Variants in ACACA observed in about 807,000 individuals in gnomAD.
ACACA encodes the protein acetyl-CoA carboxylase 1.
ACACA carries 103 observed loss-of-function variants against 296.1 expected under a neutral mutation model. That is an observed-to-expected ratio of 0.35 (90% CI 0.30 to 0.41). ACACA has a LOEUF of 0.41. Among genes scored for constraint, ACACA ranks in the 10% least tolerant of loss-of-function variants. The probability of loss-of-function intolerance (pLI) is 1.00; values close to 1 mark genes in which losing one functional copy is unlikely to be tolerated. For synonymous variants in ACACA, 953 were observed against 1,038.6 expected, an observed-to-expected ratio of 0.92 and a Z score of 1.58; for missense variants, 1,554 against 2,989.7, an observed-to-expected ratio of 0.52 and a Z score of 11.20.
At chr17:37,173,331 T>G (rs540399842) in intron 41 of ACACA, among the ~76,000 whole-genome samples, 1 of 152,272 alleles carries the variant, frequency 6.6e-6, no homozygotes, top group African/African-American at 2.4e-5. Context: ...AGGGTTATGG[T>G]GGTTTTTCTA....
At chr17:37,279,478 C>CA in intron 5 of ACACA, among the ~76,000 whole-genome samples, 1 of 151,948 alleles carries the variant, frequency 6.6e-6, no homozygotes, top group African/African-American at 2.4e-5. Flanking sequence ...ACTAAAAATA[C>CA]AAAAAATTAG....
chr17:37,192,156 G>A lies in ACACA; in HGVS notation c.4350C>T (p.Gly1450=). The change falls in exon 37 of 56, where the codon GGC becomes GGT. Residue 1450 remains glycine (G), a synonymous_variant. Transcript: ENST00000616317. ...LYLGAAKVEV[G]TEVTDYRFFV... is the part of the protein sequence containing the mutation. ...AGAACCTGTAGTCTGTCACTTCTGT[G>A]CCCACTTCCACCTTGGCTGCCCCGA... 2 of 1,613,968 alleles carry A rather than the reference G, an allele frequency of 1.2e-6. No homozygotes were observed. The highest frequency in any genetic ancestry group is 8.5e-7 in the Non-Finnish European group (1 of 1,179,970).
intron 5 of ACACA, among the ~76,000 whole-genome samples, chr17:37,280,536 C>G (rs1192703704): frequency 6.6e-6 from 1 of 152,036 alleles, no homozygotes; most frequent in Non-Finnish European, 1.5e-5. Flanking sequence ...AAGGTATAAT[C>G]TCTTAATCTT....
intron 30 of ACACA, among the ~76,000 whole-genome samples, chr17:37,210,038 G>T (rs1448852074): frequency 1.3e-5 from 2 of 152,160 alleles, no homozygotes; most frequent in Non-Finnish European, 2.9e-5. Flanking sequence ...TTCTGGATCT[G>T]CACTCCTCTA....
intron 3 of ACACA, among the ~76,000 whole-genome samples, chr17:37,329,717 G>A (rs2047781987): frequency 2.0e-5 from 3 of 149,268 alleles, no homozygotes; most frequent in South Asian, 4.3e-4. Context: ...TGAGGTGGGC[G>A]GATCACAAGG....
At chr17:37,121,597 G>C (rs2074529837) in intron 49 of ACACA, 107 bp from the exon 50 acceptor site, 4 of 1,400,652 alleles carry the variant, frequency 2.9e-6, no homozygotes, top group Admixed American at 1.7e-5. Context: ...CTAAAAATCA[G>C]ATCAACAAAA....
In ACACA at chr17:37,260,272, ATATATATATATATATATATATATATT is replaced by A. The variant is rs1209076773; in HGVS notation, c.1330-768_1330-743del. ...GTCATATATATATATATATATATAT[ATATATATATATATATATATATATATT>A]TTTTTTTTTTTTTTTTTTGGAGATG... is the stretch of plus-strand genomic sequence containing the variant. On this transcript the variant is annotated intron_variant, in intron 11 of 55. Coordinates refer to ENST00000616317, the MANE Select transcript of ACACA (RefSeq NM_198834.3). Among the ~76,000 whole-genome samples the A allele has an allele frequency of 1.9e-3, 49 of 25,132 alleles. 1 individual carries two copies. The highest frequency in any genetic ancestry group is 0.012 in the East Asian group (5 of 420). 16.5% of individuals were successfully genotyped at this position (25,132 alleles called of 152,430 possible). A position where few individuals can be genotyped will look rare whatever the true frequency, so the allele number is the denominator to read the frequency against.
At position 37,385,951 on chromosome 17, in the gene ACACA, A is replaced by T. The variant is rs2050507064; in HGVS notation, c.38+20311T>A. 4 of 1,217,126 alleles carry T rather than the reference A, an allele frequency of 3.3e-6. No homozygotes were observed. The East Asian group carries it at 7.7e-5, about 23-fold the overall frequency. The allele number at this position is 1,217,126 out of a possible 1,614,324, so 75.4% of individuals were successfully genotyped here. A position where few individuals can be genotyped will look rare whatever the true frequency, so the allele number is the denominator to read the frequency against. On this transcript the variant is annotated intron_variant, in intron 1 of 55. Transcript: ENST00000616317. ...GCTGGGCAGGGTTTCATCAGATAAAACCAAAGGCAGGATAAAGTTTTCCCC... is the reference window on the plus strand; with the variant it reads ...GCTGGGCAGGGTTTCATCAGATAAATCCAAAGGCAGGATAAAGTTTTCCCC...
At chr17:37,352,542 A>G (rs915553334) in intron 1 of ACACA, among the ~76,000 whole-genome samples, 5 of 151,366 alleles carry the variant, frequency 3.3e-5, no homozygotes, top group Admixed American at 1.3e-4. Flanking sequence ...ACGCAACCCC[A>G]TCTCTACCAA....
intron 29 of ACACA, among the ~76,000 whole-genome samples, chr17:37,220,930 G>A (rs928136747): frequency 3.3e-5 from 5 of 152,190 alleles, no homozygotes; most frequent in Non-Finnish European, 7.3e-5. Context: ...GAAATGGAGA[G>A]GGGCAGGTTA....
intron 41 of ACACA, among the ~76,000 whole-genome samples, chr17:37,175,819 C>T (rs2077091235): frequency 6.6e-6 from 1 of 152,192 alleles, no homozygotes; most frequent in Admixed American, 6.5e-5. Context: ...CTATACCTTT[C>T]ATCATGCATT....
At chr17:37,341,188 C>T (rs2048358535) in intron 1 of ACACA, among the ~76,000 whole-genome samples, 1 of 151,968 alleles carries the variant, frequency 6.6e-6, no homozygotes, top group Non-Finnish European at 1.5e-5. Flanking sequence ...ATGCAATAGG[C>T]CAGTGTTTTT....
chr17:37,135,912 C>CTT (rs746761290), intron 45 of ACACA, among the ~76,000 whole-genome samples: 21 of 137,730 alleles, frequency 1.5e-4, no homozygotes, highest in African/African-American at 2.9e-4. Context: ...AACAGGAATT[C>CTT]TTTTTTTTTT....
chr17:37,133,347 A>C (rs183568000), intron 45 of ACACA, among the ~76,000 whole-genome samples: 2 of 152,350 alleles, frequency 1.3e-5, no homozygotes, highest in Non-Finnish European at 2.9e-5. Flanking sequence ...GGGCGCACAC[A>C]ATAGCTCCTG....
At chr17:37,199,753 A>G (rs534627867) in intron 35 of ACACA, among the ~76,000 whole-genome samples, 6 of 152,014 alleles carry the variant, frequency 3.9e-5, no homozygotes, top group African/African-American at 1.4e-4. Context: ...TTTCTACCTT[A>G]TTTATCTGGA....
Position 37,246,523 on chromosome 17 carries a change from C to G in ACACA, c.2460+303G>C, listed in dbSNP as rs572995433. Among the ~76,000 whole-genome samples, 7 of 152,192 alleles carry G rather than the reference C, an allele frequency of 4.6e-5. No homozygotes were observed. The South Asian group carries it at 1.5e-3, about 32-fold the overall frequency. ...TCTCCATTCACTGCTGCCTTGAATT[C>G]CTGGGCTCAAGGGATCCTCCCGCCT... On this transcript the variant is annotated intron_variant, in intron 19 of 55. Coordinates refer to ENST00000616317, the MANE Select transcript of ACACA (RefSeq NM_198834.3).
intron 1 of ACACA, among the ~76,000 whole-genome samples, chr17:37,383,595 TG>T (rs1199765181): frequency 6.6e-6 from 1 of 152,252 alleles, no homozygotes; most frequent in Non-Finnish European, 1.5e-5. Context: ...TCCCCCAGGA[TG>T]GGGTACAGTG....
At chr17:37,280,704 T>C (rs1024310167) in intron 5 of ACACA, among the ~76,000 whole-genome samples, 58 of 150,156 alleles carry the variant, frequency 3.9e-4, no homozygotes, top group African/African-American at 1.3e-3. Flanking sequence ...AAGGGATTCA[T>C]TATACTCTTC....
At chr17:37,318,475 A>C (rs1300298941) in intron 3 of ACACA, among the ~76,000 whole-genome samples, 2 of 152,178 alleles carry the variant, frequency 1.3e-5, no homozygotes, top group Non-Finnish European at 2.9e-5. Flanking sequence ...TCCTCACCTC[A>C]GGAGATCCAC....
Sources: gnomAD v4.1 joint callset for allele counts (sites outside exome capture counted in the v4.1 genomes callset) on GRCh38, gnomAD v4.1.1 for gene constraint, MANE v1.5 for transcripts, NCBI Gene and HGNC (gene_info 2026-07-23, HGNC 2026-07-21) for gene names.